Variants in ADGRL3 observed in about 807,000 individuals in gnomAD.
The protein encoded by ADGRL3 is calcium-independent alpha-latrotoxin receptor 3.
In ADGRL3, 62 loss-of-function variants were observed where a neutral mutation model predicts 153.5. The observed-to-expected ratio is 0.40, with a 90% CI of 0.33 to 0.50. ADGRL3 has a LOEUF of 0.50. ADGRL3 is among the 20% of genes least tolerant of loss of function. The pLI is 0.47. For missense variants in ADGRL3, 1,641 were observed against 1,859.4 expected (o/e 0.88, Z 2.16); for synonymous variants, 710 against 672.5 (o/e 1.06, Z -0.86).
chr4:61,376,729 C>T (rs1468595896), intron 1 of ADGRL3, among the ~76,000 whole-genome samples: 1 of 152,130 alleles, frequency 6.6e-6, no homozygotes, highest in Non-Finnish European at 1.5e-5. Context: ...CAGCAGAATG[C>T]TAGAACTCTT....
At chr4:61,512,064 A>G (rs779058757) in intron 3 of ADGRL3, among the ~76,000 whole-genome samples, 1 of 152,196 alleles carries the variant, frequency 6.6e-6, no homozygotes, top group Non-Finnish European at 1.5e-5. Flanking sequence ...CTTTATTTAC[A>G]GAAAAGGAAA....
chr4:61,863,231 C>CTTTTTTT (rs1189171329), intron 9 of ADGRL3, among the ~76,000 whole-genome samples: 70 of 80,902 alleles, frequency 8.7e-4, no homozygotes, highest in African/African-American at 1.3e-3. Flanking sequence ...GGGCATCATT[C>CTTTTTTT]TTTTTTTTTT....
intron 18 of ADGRL3, among the ~76,000 whole-genome samples, chr4:61,980,253 T>C (rs1043440267): frequency 6.6e-5 from 10 of 151,712 alleles, no homozygotes; most frequent in Non-Finnish European, 1.5e-4. Context: ...TTGAAAATCA[T>C]CTGTGCTTCC....
intron 6 of ADGRL3, among the ~76,000 whole-genome samples, chr4:61,708,191 C>G (rs566826721): frequency 6.6e-6 from 1 of 152,040 alleles, no homozygotes; most frequent in East Asian, 1.9e-4. Flanking sequence ...TATATTGGCT[C>G]TGGGAAAAAG....
At position 61,483,697 on chromosome 4, in the gene ADGRL3, A is replaced by G. The variant is rs967824771; in HGVS notation, c.-173-13424A>G. Among the ~76,000 whole-genome samples, 3 of 152,122 alleles carry G rather than the reference A, an allele frequency of 2.0e-5. No homozygotes were observed. The East Asian group carries it at 5.8e-4, about 29-fold the overall frequency. ...GGTTGCTATGAGCCGAGATCATGCC[A>G]CTGCACTCCAGCCTGGGCAACAAGA... On this transcript the variant is annotated intron_variant, in intron 2 of 26. Coordinates refer to ENST00000683033, the MANE Select transcript of ADGRL3 (RefSeq NM_001387552.1).
At chr4:61,974,412 TTTA>T (rs2099040756) in intron 17 of ADGRL3, among the ~76,000 whole-genome samples, 1 of 152,206 alleles carries the variant, frequency 6.6e-6, no homozygotes, top group African/African-American at 2.4e-5. Context: ...AACATTAGCA[TTTA>T]TTATTGTTAT....
chr4:61,759,703 A>G lies in ADGRL3; in HGVS notation c.1399+26149A>G, dbSNP rs868176535. Among the ~76,000 whole-genome samples, 49 of 152,030 alleles carry G rather than the reference A, an allele frequency of 3.2e-4. 1 individual carries two copies. Among genetic ancestry groups the G allele is most frequent in the African/African-American group, 1.2e-3 (48 of 41,446 alleles). ...GCCATTCTCCGTCCAGCTTTGTTCC[A>G]TTGCTGGTGAGGAGCTGCGTTCCTT... On this transcript the variant is annotated intron_variant, in intron 8 of 26. Transcript: ENST00000683033.
chr4:61,883,558 G>A (rs2098520554), intron 9 of ADGRL3, among the ~76,000 whole-genome samples: 1 of 152,076 alleles, frequency 6.6e-6, no homozygotes, highest in South Asian at 2.1e-4. Flanking sequence ...AAAAATCTAA[G>A]GCACAGAGAG....
intron 8 of ADGRL3, among the ~76,000 whole-genome samples, chr4:61,737,843 G>T (rs2096537215): frequency 6.6e-6 from 1 of 151,944 alleles, no homozygotes; most frequent in Non-Finnish European, 1.5e-5. Flanking sequence ...TCTAAAAATT[G>T]TATCTACTCT....
At chr4:61,951,720 C>T (rs1454200051) in intron 17 of ADGRL3, among the ~76,000 whole-genome samples, 2 of 152,042 alleles carry the variant, frequency 1.3e-5, no homozygotes, top group African/African-American at 2.4e-5. Context: ...CAAAAATTAG[C>T]TGGGCGTGAT....
At chr4:61,580,147 T>G (rs1211650390) in intron 4 of ADGRL3, among the ~76,000 whole-genome samples, 1 of 152,148 alleles carries the variant, frequency 6.6e-6, no homozygotes, top group African/African-American at 2.4e-5. Context: ...AGTAGAATCA[T>G]GTCCACTTTC....
chr4:62,064,856 A>G (rs1742147731), intron 25 of ADGRL3, among the ~76,000 whole-genome samples: 1 of 152,092 alleles, frequency 6.6e-6, no homozygotes, highest in South Asian at 2.1e-4. Flanking sequence ...ATTATTTCAG[A>G]AACACCAAAG....
intron 9 of ADGRL3, among the ~76,000 whole-genome samples, chr4:61,868,765 A>G (rs922171447): frequency 6.6e-6 from 1 of 152,266 alleles, no homozygotes; most frequent in South Asian, 2.1e-4. Context: ...AGGCATTTCC[A>G]GCTGCTGAAA....
Position 61,750,182 on chromosome 4 carries a change from T to TAAAAAAAAAAAAAAAAAAAAAAA in ADGRL3, c.1399+16631_1399+16653dup, listed in dbSNP as rs60768535. Among the ~76,000 whole-genome samples the TAAAAAAAAAAAAAAAAAAAAAAA allele has an allele frequency of 3.2e-5, 3 of 94,614 alleles. 1 individual carries two copies. Among genetic ancestry groups the TAAAAAAAAAAAAAAAAAAAAAAA allele is most frequent in the Non-Finnish European group, 2.2e-5 (1 of 45,100 alleles). The allele number at this position is 94,614 out of a possible 152,430, so 62.1% of individuals were successfully genotyped here. On this transcript the variant is annotated intron_variant, in intron 8 of 26. Coordinates refer to ENST00000683033, the MANE Select transcript of ADGRL3 (RefSeq NM_001387552.1). ...GAGAAGAAAGAAAAAAGGGGATGGT[T>TAAAAAAAAAAAAAAAAAAAAAAA]AAAAAAAAAAAAAAAAAAAAAAAAA...
chr4:61,330,134 C>T (rs1311922694), intron 1 of ADGRL3, among the ~76,000 whole-genome samples: 2 of 152,100 alleles, frequency 1.3e-5, no homozygotes, highest in African/African-American at 4.8e-5. Context: ...TTTTTATTTC[C>T]CAATTTCAAG....
chr4:62,053,305 A>G (rs1735222512), intron 25 of ADGRL3, among the ~76,000 whole-genome samples: 1 of 151,690 alleles, frequency 6.6e-6, no homozygotes. Context: ...ATAATTGGGT[A>G]GTATTTGATT....
chr4:62,019,117 T>A lies in ADGRL3; in HGVS notation c.3396-9738T>A, dbSNP rs189625999. On this transcript the variant is annotated intron_variant, in intron 21 of 26. Coordinates refer to ENST00000683033, the MANE Select transcript of ADGRL3 (RefSeq NM_001387552.1). ...TTCACAGGTAATTATAACTTCTGGT[T>A]TTGTAAGCCCAAGCCATTTTACATT... Among the ~76,000 whole-genome samples, 38 of 152,294 alleles carry A rather than the reference T, an allele frequency of 2.5e-4. 1 individual carries two copies. Among genetic ancestry groups the A allele is most frequent in the African/African-American group, 9.1e-4 (38 of 41,568 alleles).
At chr4:61,563,248 A>C (rs2098802923) in intron 4 of ADGRL3, among the ~76,000 whole-genome samples, 1 of 152,156 alleles carries the variant, frequency 6.6e-6, no homozygotes. Context: ...ATAAGCAGTA[A>C]TATTTTGTAA....
rs115878817 is a variant in ADGRL3, at chr4:61,620,954, T to A, written c.473+33514T>A. On this transcript the variant is annotated intron_variant, in intron 5 of 26. Coordinates refer to ENST00000683033, the MANE Select transcript of ADGRL3 (RefSeq NM_001387552.1). ...GCGCCCAGCCAATTGTGACCTTTTTTAAAGGATAGTTCTTTTCTGTATTAT... is the reference window on the plus strand; with the variant it reads ...GCGCCCAGCCAATTGTGACCTTTTTAAAAGGATAGTTCTTTTCTGTATTAT... Among the ~76,000 whole-genome samples, 741 of 152,240 alleles carry A rather than the reference T, an allele frequency of 4.9e-3. 6 individuals are homozygous for A. The highest frequency in any genetic ancestry group is 0.017 in the African/African-American group (700 of 41,548).
Sources: allele counts gnomAD v4.1 joint callset (sites outside exome capture counted in the v4.1 genomes callset), GRCh38; gene constraint gnomAD v4.1.1; transcripts MANE v1.5; gene names NCBI Gene and HGNC (gene_info 2026-07-23, HGNC 2026-07-21).